GALNT17: variants seen among roughly 807,000 people sequenced by gnomAD.
GALNT17 encodes UDP-GalNAc:polypeptide N-acetylgalactosaminyltransferase-like 3.
GALNT17 carries 29 observed loss-of-function variants against 63.7 expected under a neutral mutation model. The observed-to-expected ratio is 0.46, with a 90% CI of 0.34 to 0.62. GALNT17 has a LOEUF of 0.62. GALNT17 is among the 20% of genes least tolerant of loss of function. The probability of loss-of-function intolerance (pLI) is 0.01; values close to 1 mark genes in which losing one functional copy is unlikely to be tolerated. For missense variants in GALNT17, 603 were observed against 799.6 expected (o/e 0.75, Z 2.97); for synonymous variants, 305 against 318.3 (o/e 0.96, Z 0.45).
At chr7:71,133,529 A>G (rs1176661365) in intron 1 of GALNT17, among the ~76,000 whole-genome samples, 1 of 152,136 alleles carries the variant, frequency 6.6e-6, no homozygotes, top group Non-Finnish European at 1.5e-5. Flanking sequence ...TAGGTAGTAT[A>G]TGGGAGGAAT....
At chr7:71,533,301 A>T (rs1788750857) in intron 5 of GALNT17, among the ~76,000 whole-genome samples, 1 of 152,226 alleles carries the variant, frequency 6.6e-6, no homozygotes, top group Non-Finnish European at 1.5e-5. Context: ...CTATGAGACG[A>T]TGTATTCTTG....
intron 1 of GALNT17, among the ~76,000 whole-genome samples, chr7:71,323,034 A>G (rs1468914567): frequency 3.3e-5 from 5 of 152,046 alleles, no homozygotes; most frequent in Non-Finnish European, 7.4e-5. Flanking sequence ...TTAGCCTGGA[A>G]AAAAAAAGAA....
At chr7:71,431,745 G>T (rs1460399645) in intron 5 of GALNT17, among the ~76,000 whole-genome samples, 1 of 152,188 alleles carries the variant, frequency 6.6e-6, no homozygotes, top group East Asian at 1.9e-4. Flanking sequence ...CACAATGCAG[G>T]GTATAGTTCT....
rs188528080 is a variant in GALNT17, at chr7:71,229,792, A to G, written c.238+96752A>G. Among the ~76,000 whole-genome samples, 34 of 152,226 alleles carry G rather than the reference A, an allele frequency of 2.2e-4. No homozygotes were observed. In the East Asian group the frequency reaches 5.8e-3, roughly 26 times the overall value. ...GTCATGGAATGGACCCTCCGCCTCC[A>G]CCTAGTTCGATGTCTGTGACAAGCT... On this transcript the variant is annotated intron_variant, in intron 1 of 10. Coordinates refer to ENST00000333538, the MANE Select transcript of GALNT17 (RefSeq NM_022479.3).
chr7:71,262,602 G>T (rs10244085), intron 1 of GALNT17, among the ~76,000 whole-genome samples: 1,645 of 151,832 alleles, frequency 0.011, 21 homozygotes, highest in African/African-American at 0.038. Flanking sequence ...GATCTTAAGG[G>T]ATAATTAAAT....
At chr7:71,637,775 C>T (rs1439291833) in intron 6 of GALNT17, among the ~76,000 whole-genome samples, 3 of 152,140 alleles carry the variant, frequency 2.0e-5, no homozygotes, top group Non-Finnish European at 2.9e-5. Context: ...AGACCATCTG[C>T]TCCATCTGGT....
At chr7:71,629,422 A>T (rs1204337351) in intron 6 of GALNT17, among the ~76,000 whole-genome samples, 1 of 152,136 alleles carries the variant, frequency 6.6e-6, no homozygotes, top group Non-Finnish European at 1.5e-5. Context: ...ATCATCTAAC[A>T]ATCTTGGGAG....
intron 5 of GALNT17, among the ~76,000 whole-genome samples, chr7:71,475,104 G>T (rs1787701730): frequency 6.6e-6 from 1 of 152,156 alleles, no homozygotes; most frequent in Non-Finnish European, 1.5e-5. Context: ...ACTGATTTCA[G>T]ACTTCTTGCC....
At position 71,669,943 on chromosome 7, in the gene GALNT17, A is replaced by G. The variant is rs1426110886; in HGVS notation, c.1267-29A>G. On this transcript the variant is annotated intron_variant, in intron 7 of 10. Coordinates refer to ENST00000333538, the MANE Select transcript of GALNT17 (RefSeq NM_022479.3). ...CTCTGGCCAGAGCTCCACAGTCACT[A>G]ACACCCCTTGGCTTCTCTCTCCTTT... 4 of 1,613,288 alleles carry G rather than the reference A, an allele frequency of 2.5e-6. No homozygotes were observed. In the East Asian group the frequency reaches 6.7e-5, roughly 27 times the overall value.
In GALNT17 at chr7:71,696,478, G is replaced by C. The variant is rs1235089164; in HGVS notation, c.1501-14283G>C. 2.6e-5 allele frequency among the ~76,000 whole-genome samples: 4 copies of C among 152,168 alleles called. No homozygotes were observed. The East Asian group carries it at 7.7e-4, about 29-fold the overall frequency. On this transcript the variant is annotated intron_variant, in intron 9 of 10. Coordinates refer to ENST00000333538, the MANE Select transcript of GALNT17 (RefSeq NM_022479.3). ...TGACTGCTGGATTTTAAAATCAAGA[G>C]AAAGGCCTCTAATAGGAAAGCAATT...
chr7:71,652,612 C>G (rs1027391265), intron 6 of GALNT17, among the ~76,000 whole-genome samples: 3 of 152,190 alleles, frequency 2.0e-5, no homozygotes, highest in Admixed American at 1.3e-4. Flanking sequence ...TGTTGAGAAT[C>G]AGACAAAGGG....
chr7:71,287,620 T>C (rs554738130), intron 1 of GALNT17, among the ~76,000 whole-genome samples: 55 of 152,310 alleles, frequency 3.6e-4, no homozygotes, highest in African/African-American at 1.3e-3. Context: ...AAAAGGTAAC[T>C]ACTAATAGCC....
chr7:71,445,945 G>A (rs1787153964), intron 5 of GALNT17, among the ~76,000 whole-genome samples: 1 of 152,196 alleles, frequency 6.6e-6, no homozygotes, highest in Non-Finnish European at 1.5e-5. Flanking sequence ...TTTCTTAAAA[G>A]TAACTTTATT....
At chr7:71,260,500 C>G (rs998621313) in intron 1 of GALNT17, among the ~76,000 whole-genome samples, 1 of 152,090 alleles carries the variant, frequency 6.6e-6, no homozygotes, top group Non-Finnish European at 1.5e-5. Context: ...TTTTAGGGGA[C>G]TCATTCTCCT....
intron 6 of GALNT17, among the ~76,000 whole-genome samples, chr7:71,652,943 G>A (rs532479074): frequency 1.3e-4 from 20 of 152,280 alleles, no homozygotes; most frequent in South Asian, 4.1e-4. Context: ...AAGGAGAATC[G>A]GGCAGCTCAT....
chr7:71,446,478 A>G (rs985391936), intron 5 of GALNT17, among the ~76,000 whole-genome samples: 1 of 152,192 alleles, frequency 6.6e-6, no homozygotes, highest in Non-Finnish European at 1.5e-5. Context: ...AACATTTTGT[A>G]TGTACATGTT....
intron 1 of GALNT17, among the ~76,000 whole-genome samples, chr7:71,189,060 C>T (rs1384097448): frequency 5.3e-5 from 8 of 152,262 alleles, no homozygotes; most frequent in African/African-American, 1.9e-4. Flanking sequence ...GTGTTCCCAC[C>T]CAAGTCTCAT....
At chr7:71,355,481 A>C (rs1792266375) in intron 2 of GALNT17, among the ~76,000 whole-genome samples, 1 of 151,516 alleles carries the variant, frequency 6.6e-6, no homozygotes, top group African/African-American at 2.4e-5. Flanking sequence ...CAGATGGATA[A>C]CTTTTTAAAA....
At chr7:71,580,910 C>T (rs766694100) in intron 6 of GALNT17, among the ~76,000 whole-genome samples, 3 of 152,084 alleles carry the variant, frequency 2.0e-5, no homozygotes, top group African/African-American at 7.2e-5. Flanking sequence ...TTGGATGTAC[C>T]GGTGCCCTTT....
Sources: allele counts gnomAD v4.1 joint callset (sites outside exome capture counted in the v4.1 genomes callset), GRCh38; gene constraint gnomAD v4.1.1; transcripts MANE v1.5; gene names NCBI Gene and HGNC (gene_info 2026-07-23, HGNC 2026-07-21).